Variants in TOP1 observed in about 807,000 individuals in gnomAD.
The protein encoded by TOP1 is DNA topoisomerase I.
Under a neutral mutation model 111.1 loss-of-function variants are expected in TOP1, and 10 were observed. That is an observed-to-expected ratio of 0.09 (90% CI 0.06 to 0.15). The LOEUF is 0.15. TOP1 is among the 10% of genes least tolerant of loss of function. TOP1 has a pLI of 1.00. For missense variants in TOP1, 474 were observed against 926.7 expected (o/e 0.51, Z 6.34); for synonymous variants, 271 against 302.9 (o/e 0.89, Z 1.10).
intron 2 of TOP1, among the ~76,000 whole-genome samples, chr20:41,043,176 T>G (rs2033289405): frequency 6.6e-6 from 1 of 152,250 alleles, no homozygotes; most frequent in Non-Finnish European, 1.5e-5. Flanking sequence ...ACTCTTAAAC[T>G]CTGGGAGTAG....
At chr20:41,119,438 G>GACCC (rs1317510729) in intron 18 of TOP1, among the ~76,000 whole-genome samples, 1 of 152,192 alleles carries the variant, frequency 6.6e-6, no homozygotes, top group Non-Finnish European at 1.5e-5. Flanking sequence ...AACATAGTGA[G>GACCC]ACCCTGTCTG....
chr20:41,044,810 G>GAC, intron 2 of TOP1, among the ~76,000 whole-genome samples: 1 of 152,226 alleles, frequency 6.6e-6, no homozygotes, highest in African/African-American at 2.4e-5. Flanking sequence ...GAGAGAGAGA[G>GAC]ACAAGAGTCT....
chr20:41,054,133 G>T (rs1436957873), intron 2 of TOP1, among the ~76,000 whole-genome samples: 1 of 152,178 alleles, frequency 6.6e-6, no homozygotes, highest in Admixed American at 6.5e-5. Flanking sequence ...TGGTTTGGCT[G>T]TGTCCCCACC....
intron 7 of TOP1, among the ~76,000 whole-genome samples, chr20:41,084,228 G>C (rs1444475500): frequency 6.6e-6 from 1 of 152,084 alleles, no homozygotes; most frequent in Non-Finnish European, 1.5e-5. Context: ...CCCCTGCAGA[G>C]TGTTTTTTAA....
In TOP1 at chr20:41,030,253, A is replaced by T. The variant is rs983334076; in HGVS notation, c.58+798A>T. 6.6e-6 allele frequency among the ~76,000 whole-genome samples: 1 copy of T among 152,146 alleles called. No homozygotes were observed. The highest frequency in any genetic ancestry group is 2.4e-5 in the African/African-American group (1 of 41,428). On this transcript the variant is annotated intron_variant, in intron 2 of 20. Transcript: ENST00000361337. The surrounding 1 kb of genome is among the most constrained non-coding windows in gnomAD (Gnocchi z 4.1). ...TCACTGGAACTTTTCATTGTGGTCG[A>T]GGTTCCCAATGCAGTGTTTTTCTGG...
At chr20:41,054,557 G>GT (rs1238576307) in intron 2 of TOP1, among the ~76,000 whole-genome samples, 2 of 152,156 alleles carry the variant, frequency 1.3e-5, no homozygotes, top group East Asian at 1.9e-4. Flanking sequence ...TTTCTCTATC[G>GT]TAAGAGTGGT....
Position 41,102,179 on chromosome 20 carries a change from G to C in TOP1, c.1308+826G>C, listed in dbSNP as rs1300428687. On this transcript the variant is annotated intron_variant, in intron 13 of 20. Transcript: ENST00000361337. The surrounding 1 kb of genome is among the most constrained non-coding windows in gnomAD (Gnocchi z 4.0). ...TAGGTTATAACATCTGTTAAAATGT[G>C]AAAGCCACAGCTGAAAAGGCTATGT... Among the ~76,000 whole-genome samples, 2 of 152,202 alleles carry C rather than the reference G, an allele frequency of 1.3e-5. No homozygotes were observed. Among genetic ancestry groups the C allele is most frequent in the Non-Finnish European group, 2.9e-5 (2 of 68,036 alleles).
chr20:41,042,467 G>T (rs1489284583), intron 2 of TOP1, among the ~76,000 whole-genome samples: 4 of 152,186 alleles, frequency 2.6e-5, no homozygotes, highest in Non-Finnish European at 4.4e-5. Flanking sequence ...AATGAGCAGG[G>T]TTTGTTTTCA....
intron 2 of TOP1, among the ~76,000 whole-genome samples, chr20:41,051,007 A>T (rs1351467706): frequency 6.6e-6 from 1 of 152,188 alleles, no homozygotes; most frequent in Non-Finnish European, 1.5e-5. Flanking sequence ...TAATGAGGTG[A>T]TAAATATTTT....
intron 2 of TOP1, among the ~76,000 whole-genome samples, chr20:41,039,229 T>C (rs995080928): frequency 6.6e-6 from 1 of 152,218 alleles, no homozygotes; most frequent in Non-Finnish European, 1.5e-5. Flanking sequence ...TTGAAATTAG[T>C]ACGTTGTAGG....
chr20:41,121,231 C>G lies in TOP1; in HGVS notation c.1951-465C>G, dbSNP rs774400199. On this transcript the variant is annotated intron_variant, in intron 18 of 20. Transcript: ENST00000361337. The surrounding 1 kb of genome is among the most constrained non-coding windows in gnomAD (Gnocchi z 4.2). ...CGCCTTCCCAGAGTACTGGTGGGATCTGAGGAACGAGCTGGGGTTGCCCAG... is the reference window on the plus strand; with the variant it reads ...CGCCTTCCCAGAGTACTGGTGGGATGTGAGGAACGAGCTGGGGTTGCCCAG... Among the ~76,000 whole-genome samples, 6 of 152,168 alleles carry G rather than the reference C, an allele frequency of 3.9e-5. No homozygotes were observed. The highest frequency in any genetic ancestry group is 8.8e-5 in the Non-Finnish European group (6 of 68,012).
chr20:41,087,755 C>G (rs2033865342), intron 8 of TOP1, among the ~76,000 whole-genome samples: 1 of 152,192 alleles, frequency 6.6e-6, no homozygotes, highest in South Asian at 2.1e-4. Flanking sequence ...TGCTTGTTAA[C>G]TGCAAGGGAA....
At position 41,121,517 on chromosome 20, in the gene TOP1, T is replaced by C. The variant is rs2034422246; in HGVS notation, c.1951-179T>C. On this transcript the variant is annotated intron_variant, in intron 18 of 20. Transcript: ENST00000361337. This position sits in a 1 kb window ranked among gnomAD's most constrained non-coding sequence, Gnocchi z 4.2. ...TTCCAGATCACTGAAGAACAAATAG[T>C]TGAATTCACTAGTCCTTGTGCATCT... Among the ~76,000 whole-genome samples the C allele has an allele frequency of 6.6e-6, 1 of 152,190 alleles. No individual in the cohort carries two copies. The highest frequency in any genetic ancestry group is 2.4e-5 in the African/African-American group (1 of 41,434).
intron 2 of TOP1, among the ~76,000 whole-genome samples, chr20:41,042,308 G>T (rs751065977): frequency 3.3e-5 from 5 of 152,202 alleles, no homozygotes; most frequent in Non-Finnish European, 7.3e-5. Flanking sequence ...CTACCTTTCA[G>T]TGAGCATTTA....
In TOP1 at chr20:41,030,376, A is replaced by C. The variant is rs2033103029; in HGVS notation, c.58+921A>C. ...TTCGTTTGGGTTGTAAGGAGGAAAA[A>C]AAGATTTTATTTATTGAAGCAAAGA... On this transcript the variant is annotated intron_variant, in intron 2 of 20. Transcript: ENST00000361337. This position sits in a 1 kb window ranked among gnomAD's most constrained non-coding sequence, Gnocchi z 4.1. 6.6e-6 allele frequency among the ~76,000 whole-genome samples: 1 copy of C among 152,014 alleles called. No individual in the cohort carries two copies. The highest frequency in any genetic ancestry group is 2.1e-4 in the South Asian group (1 of 4,816).
At position 41,029,091 on chromosome 20, in the gene TOP1, C is replaced by A; in HGVS notation, c.24C>A (p.Asn8Lys). ...ACATGAGTGGGGACCACCTCCACAA[C>A]GATTCCCAGGTACGGCCCGGCCTGA... The part of the protein sequence containing the change: MSGDHLH[N>K]DSQIEADFRL... The change falls in exon 1 of 21, where the codon AAC becomes AAA. Residue 8 changes from asparagine to lysine, a missense_variant. By Grantham distance (94) the Asn-to-Lys change is moderately conservative. Around this residue, in one of 14 missense-constraint regions of TOP1, gnomAD observed 185 missense variants for 226.3 expected, o/e 0.82. Transcript: ENST00000361337. This position sits in a 1 kb window ranked among gnomAD's most constrained non-coding sequence, Gnocchi z 6.1. 1 of 1,534,196 alleles carries A rather than the reference C, an allele frequency of 6.5e-7. No individual in the cohort carries two copies. The highest frequency in any genetic ancestry group is 8.7e-7 in the Non-Finnish European group (1 of 1,143,834).
In TOP1 at chr20:41,082,917, G is replaced by A. The variant is rs937929465; in HGVS notation, c.508-1545G>A. ...AAACCATTGGGAAAAAAGAACAGTT[G>A]ACTTCATTTGTTATTATTCTATTTA... On this transcript the variant is annotated intron_variant, in intron 7 of 20. Transcript: ENST00000361337. This position sits in a 1 kb window ranked among gnomAD's most constrained non-coding sequence, Gnocchi z 4.1. Among the ~76,000 whole-genome samples, 1 of 151,812 alleles carries A rather than the reference G, an allele frequency of 6.6e-6. No homozygotes were observed. Among genetic ancestry groups the A allele is most frequent in the Non-Finnish European group, 1.5e-5 (1 of 67,974 alleles).
At chr20:41,031,589 C>T (rs2033120353) in intron 2 of TOP1, among the ~76,000 whole-genome samples, 1 of 152,214 alleles carries the variant, frequency 6.6e-6, no homozygotes, top group Non-Finnish European at 1.5e-5. Context: ...TACTGCCAGG[C>T]ATGAATCTCA....
In TOP1 at chr20:41,115,562, C is replaced by A. The variant is rs2034315679; in HGVS notation, c.1707+123C>A. On this transcript the variant is annotated intron_variant, in intron 16 of 20. Transcript: ENST00000361337. The surrounding 1 kb of genome is among the most constrained non-coding windows in gnomAD (Gnocchi z 6.3). ...TTAGCCTGGCCTGCTCTGTGGCATC[C>A]CATACACTCTCTCTTCCTCCCTCTG... The A allele has an allele frequency of 1.5e-6, 1 of 670,650 alleles. No individual in the cohort carries two copies. Among genetic ancestry groups the A allele is most frequent in the Non-Finnish European group, 2.7e-6 (1 of 376,138 alleles). The allele number at this position is 670,650 out of a possible 1,614,324, so 41.5% of individuals were successfully genotyped here.
Sources: allele counts gnomAD v4.1 joint callset (sites outside exome capture counted in the v4.1 genomes callset), GRCh38; gene constraint gnomAD v4.1.1; regional missense constraint gnomAD v4.1.1; non-coding constraint Gnocchi (gnomAD v3.1); transcripts MANE v1.5; gene names NCBI Gene and HGNC (gene_info 2026-07-23, HGNC 2026-07-21).